EXD3: variants seen among roughly 807,000 people sequenced by gnomAD.
EXD3 encodes exonuclease mut-7 homolog.
In EXD3, 92 loss-of-function variants were observed where a neutral mutation model predicts 98.0. The observed-to-expected ratio is 0.94, with a 90% CI of 0.79 to 1.12. EXD3 has a LOEUF of 1.12. Ranked by LOEUF, EXD3 falls within the 50% of genes most tolerant of loss-of-function variation. The probability of loss-of-function intolerance (pLI) is 0.00; values close to 1 mark genes in which losing one functional copy is unlikely to be tolerated. For synonymous variants in EXD3, 569 were observed against 526.0 expected (o/e 1.08, Z -1.12); for missense variants, 1,222 against 1,191.6 (o/e 1.03, Z -0.38).
intron 6 of EXD3, 31 bp downstream of exon 6, chr9:137,367,905 C>T (rs1835352640): frequency 6.2e-7 from 1 of 1,607,574 alleles, no homozygotes; most frequent in East Asian, 2.2e-5. Context: ...CAAGTTTGAA[C>T]CTAAACAATT....
chr9:137,367,063 G>A lies in EXD3; in HGVS notation c.517-431C>T, dbSNP rs1366534271. 2.6e-5 allele frequency among the ~76,000 whole-genome samples: 4 copies of A among 152,238 alleles called. No homozygotes were observed. In the East Asian group the frequency reaches 7.7e-4, roughly 29 times the overall value. ...CCCTGAGGGAGTCCCTGGCTGTGGC[G>A]CTGGGCCTTGGGGCACACCAGCCAT... On this transcript the variant is annotated intron_variant, in intron 6 of 21. Transcript: ENST00000340951.
At chr9:137,377,334 A>G (rs28683663) in intron 3 of EXD3, 26,840 of 151,442 alleles carry the variant, frequency 0.18, 2,728 homozygotes, top group African/African-American at 0.29. Context: ...AGTCCCAGCT[A>G]CTTGGGAGGC....
chr9:137,338,319 T>C (rs1485989099), intron 17 of EXD3, among the ~76,000 whole-genome samples: 2 of 152,202 alleles, frequency 1.3e-5, no homozygotes, highest in African/African-American at 2.4e-5. Flanking sequence ...TAATTGATAT[T>C]CAAACGTTGT....
In EXD3 at chr9:137,309,612, C is replaced by T. The variant is rs749540431; in HGVS notation, c.2273G>A (p.Ser758Asn). Reference protein sequence around the residue: ...WLSSHQEGPRSSGDEATQSQA... With the variant: ...WLSSHQEGPRNSGDEATQSQA... Reference sequence around the variant, plus strand: ...CCTGACCCTGACACACTCACCTGAGCTCCTGGGCCCCTCCTGGTGACTGCT... The same window carrying T: ...CCTGACCCTGACACACTCACCTGAGTTCCTGGGCCCCTCCTGGTGACTGCT... The change falls in exon 20 of 22, where the codon AGC becomes AAC. Residue 758 changes from serine to asparagine, a missense_variant. Physicochemically the swap from Ser to Asn is conservative, Grantham distance 46. Coordinates refer to ENST00000340951, the MANE Select transcript of EXD3 (RefSeq NM_017820.5). 20 of 1,558,108 alleles carry T rather than the reference C, an allele frequency of 1.3e-5. No individual in the cohort carries two copies. In the Admixed American group the frequency reaches 3.6e-4, roughly 28 times the overall value.
rs981531732 is a variant in EXD3 at position 137,374,728 on chromosome 9, A to G, written c.121-1129T>C. ...GATGCCCCTCGGGGAAAGTGGCCAG[A>G]CAGGGTGAAAGGCAGCTTCTCTGTC... On this transcript the variant is annotated intron_variant, in intron 3 of 21. Coordinates refer to ENST00000340951, the MANE Select transcript of EXD3 (RefSeq NM_017820.5). The G allele has an allele frequency of 5.1e-6, 5 of 985,402 alleles. No homozygotes were observed. The African/African-American group carries it at 8.7e-5, about 17-fold the overall frequency. 61.0% of individuals were successfully genotyped at this position (985,402 alleles called of 1,614,324 possible).
intron 19 of EXD3, 123 bp from the exon 20 acceptor site, chr9:137,309,823 G>C (rs1446111059): frequency 2.8e-6 from 2 of 712,582 alleles, no homozygotes; most frequent in Non-Finnish European, 4.8e-6. Context: ...ACAGATAATG[G>C]GTCCCCTCCT....
At chr9:137,410,484 C>CAA (rs34834761) in intron 1 of EXD3, among the ~76,000 whole-genome samples, 5 of 72,306 alleles carry the variant, frequency 6.9e-5, no homozygotes, top group African/African-American at 1.5e-4. Flanking sequence ...AACTCTGTCT[C>CAA]AAAAAAAAAA....
chr9:137,391,237 G>A (rs142585377), intron 2 of EXD3, among the ~76,000 whole-genome samples: 2,015 of 152,362 alleles, frequency 0.013, 21 homozygotes, highest in Middle Eastern at 0.058. Context: ...AGCGGCATGC[G>A]CTCATCACGG....
rs1406520782 is a variant in EXD3 at position 137,314,344 on chromosome 9, G to T, written c.2185-4644C>A. On this transcript the variant is annotated intron_variant, in intron 19 of 21. Transcript: ENST00000340951. The stretch of plus-strand genomic sequence containing the variant: ...GAAGGGAGTTGCGAGTTTGCCAAAA[G>T]AACCTGGCCAGTCCCGGCACTGACT... Among the ~76,000 whole-genome samples, 4 of 152,182 alleles carry T rather than the reference G, an allele frequency of 2.6e-5. No individual in the cohort carries two copies. In the East Asian group the frequency reaches 5.8e-4, roughly 22 times the overall value.
At chr9:137,401,179 T>TG (rs1411252201) in intron 1 of EXD3, among the ~76,000 whole-genome samples, 1 of 123,434 alleles carries the variant, frequency 8.1e-6, no homozygotes, top group Non-Finnish European at 1.7e-5. Flanking sequence ...TTTGAGATGG[T>TG]GTCTCACTCT....
chr9:137,366,280 C>A, intron 7 of EXD3: 1 of 731,516 alleles, frequency 1.4e-6, no homozygotes, highest in African/African-American at 1.7e-5. Flanking sequence ...ACTCTTTTCA[C>A]TCGGGAGAAG....
chr9:137,407,062 GTT>G lies in EXD3; in HGVS notation c.-47-11660_-47-11659del, dbSNP rs1837749577. Among the ~76,000 whole-genome samples, 1 of 152,192 alleles carries G rather than the reference GTT, an allele frequency of 6.6e-6. No individual in the cohort carries two copies. The highest frequency in any genetic ancestry group is 1.5e-5 in the Non-Finnish European group (1 of 68,018). ...AGAACGCTCGCCAGCAAACCCGCCC[GTT>G]CACAGAGGCACCGGAGCGGGCGGGC... On this transcript the variant is annotated intron_variant, in intron 1 of 21. Transcript: ENST00000340951. The surrounding 1 kb of genome is among the most constrained non-coding windows in gnomAD (Gnocchi z 4.4).
At chr9:137,366,757 G>T in intron 6 of EXD3, 125 bp from the exon 7 acceptor site, 1 of 1,249,874 alleles carries the variant, frequency 8.0e-7, no homozygotes, top group Non-Finnish European at 1.1e-6. Context: ...TCCAGGCCCA[G>T]CAGTGCTCGC....
intron 19 of EXD3, among the ~76,000 whole-genome samples, chr9:137,315,999 C>T (rs1831630236): frequency 6.6e-6 from 1 of 150,562 alleles, no homozygotes. Context: ...GTCTCTGAGC[C>T]TCCCAAGGGA....
chr9:137,381,764 G>A (rs1836284682), intron 3 of EXD3, among the ~76,000 whole-genome samples: 1 of 152,174 alleles, frequency 6.6e-6, no homozygotes, highest in Admixed American at 6.5e-5. Flanking sequence ...ACCATATGGG[G>A]GTCCCCAAGA....
intron 17 of EXD3, among the ~76,000 whole-genome samples, chr9:137,327,788 A>G (rs199574119): frequency 2.8e-4 from 8 of 28,492 alleles, no homozygotes; most frequent in African/African-American, 4.8e-4. Flanking sequence ...AAAACAACAA[A>G]TATACACCCA....
intron 14 of EXD3, among the ~76,000 whole-genome samples, chr9:137,350,453 T>G (rs892699692): frequency 1.8e-4 from 4 of 22,780 alleles, no homozygotes; most frequent in Non-Finnish European, 3.4e-4. Flanking sequence ...TAGAGAGGGG[T>G]GGGGATCACG....
At chr9:137,330,818 T>G (rs2119149985) in intron 17 of EXD3, among the ~76,000 whole-genome samples, 1 of 152,282 alleles carries the variant, frequency 6.6e-6, no homozygotes, top group Middle Eastern at 3.4e-3. Flanking sequence ...CAAGGAAAAT[T>G]CATTAACACG....
chr9:137,363,711 C>G (rs1348092125), intron 7 of EXD3, among the ~76,000 whole-genome samples: 1 of 152,078 alleles, frequency 6.6e-6, no homozygotes, highest in Non-Finnish European at 1.5e-5. Flanking sequence ...AAAGTTTTCT[C>G]TGTGATAAAG....
Sources: gnomAD v4.1 joint callset for allele counts (sites outside exome capture counted in the v4.1 genomes callset) on GRCh38, gnomAD v4.1.1 for gene constraint, Gnocchi (gnomAD v3.1) non-coding constraint, MANE v1.5 for transcripts, NCBI Gene and HGNC (gene_info 2026-07-23, HGNC 2026-07-21) for gene names.